The following SMARCA4 variants were observed in gnomAD, a reference collection of about 807,000 sequenced individuals.
SMARCA4 encodes the protein SWI/SNF related BAF chromatin remodeling complex subunit ATPase 4.
Under a neutral mutation model 193.9 loss-of-function variants are expected in SMARCA4, and 31 were observed. The observed-to-expected ratio is 0.16, with a 90% CI of 0.12 to 0.22. The LOEUF (loss-of-function observed/expected upper bound fraction) is 0.22, where lower values mean the gene tolerates loss of function less well. Among genes scored for constraint, SMARCA4 ranks in the 10% least tolerant of loss-of-function variants. SMARCA4 has a pLI of 1.00. For synonymous variants in SMARCA4, 942 were observed against 933.1 expected, an observed-to-expected ratio of 1.01 and a Z score of -0.17; for missense variants, 1,148 against 2,296.0, an observed-to-expected ratio of 0.50 and a Z score of 10.22.
At chr19:11,036,261 C>T (rs1371621538) in intron 29 of SMARCA4, among the ~76,000 whole-genome samples, 2 of 152,194 alleles carry the variant, frequency 1.3e-5, no homozygotes, top group Non-Finnish European at 2.9e-5. Context: ...AGCTGTTTGG[C>T]TGCTGTATGA....
At chr19:11,014,277 A>G (rs917987012) in intron 16 of SMARCA4, among the ~76,000 whole-genome samples, 1 of 152,114 alleles carries the variant, frequency 6.6e-6, no homozygotes, top group Non-Finnish European at 1.5e-5. Context: ...GCCAGGCCCC[A>G]TGGGTCACAC....
At chr19:11,032,527 A>ATGGTGGTGCATGCCTGTAGCCCCAGCTAC (rs2074994709) in intron 25 of SMARCA4, 5 of 152,366 alleles carry the variant, frequency 3.3e-5, no homozygotes, top group Admixed American at 2.0e-4. Context: ...TTAGCCAGGC[A>ATGGTGGTGCATGCCTGTAGCCCCAGCTAC]TGGTGGTGCA....
chr19:10,985,559 C>T lies in SMARCA4; in HGVS notation c.355+154C>T, dbSNP rs1448703477. ...CGCCACAGAGAGCTGTCTGGCATGG[C>T]GTGGCTGGTGCTCTGTTCTGGCCAC... is the stretch of plus-strand genomic sequence containing the variant. On this transcript the variant is annotated intron_variant, in intron 3 of 34. Transcript: ENST00000344626. The surrounding 1 kb of genome is among the most constrained non-coding windows in gnomAD (Gnocchi z 4.5). 9.7e-6 allele frequency: 4 copies of T among 413,934 alleles called. No homozygotes were observed. Among genetic ancestry groups the T allele is most frequent in the Non-Finnish European group, 1.3e-5 (4 of 307,672 alleles). The allele number at this position is 413,934 out of a possible 1,614,324, so 25.6% of individuals were successfully genotyped here. A position where few individuals can be genotyped will look rare whatever the true frequency, so the allele number is the denominator to read the frequency against.
At chr19:10,964,848 T>C (rs1355024851) in intron 1 of SMARCA4, among the ~76,000 whole-genome samples, 2 of 152,074 alleles carry the variant, frequency 1.3e-5, no homozygotes, top group Admixed American at 1.3e-4. Flanking sequence ...CTCGAACTCC[T>C]GGCCTCCTGT....
In SMARCA4 at chr19:10,991,193, T is replaced by G; in HGVS notation, c.1289T>G (p.Leu430Arg). Residue 430 changes from leucine to arginine, a missense_variant, in exon 8 of 35, where the codon CTG becomes CGG. Leu to Arg is a moderately radical substitution (Grantham distance 102, BLOSUM62 -2). Coordinates refer to ENST00000344626, the MANE Select transcript of SMARCA4 (RefSeq NM_003072.5). ...GTGTGCATGCGGAGGGACACAGCGCTGGAGACAGCCCTCAATGCTAAGGCC... is the reference window on the plus strand; with the variant it reads ...GTGTGCATGCGGAGGGACACAGCGCGGGAGACAGCCCTCAATGCTAAGGCC... ...VVVCMRRDTA[L>R]ETALNAKAYK... 1 of 1,613,932 alleles carries G rather than the reference T, an allele frequency of 6.2e-7. No individual in the cohort carries two copies. The highest frequency in any genetic ancestry group is 8.5e-7 in the Non-Finnish European group (1 of 1,180,032).
At chr19:10,996,577 A>T (rs2087073418) in intron 11 of SMARCA4, 33 bp downstream of exon 11, 1 of 1,602,868 alleles carries the variant, frequency 6.2e-7, no homozygotes, top group Non-Finnish European at 8.5e-7. Context: ...GGAAGTATCA[A>T]GCTAGCCCTA....
chr19:11,051,159 C>G (rs1161267228), intron 30 of SMARCA4, among the ~76,000 whole-genome samples: 2 of 152,248 alleles, frequency 1.3e-5, no homozygotes, highest in African/African-American at 4.8e-5. Context: ...AAGAAGCTCC[C>G]CCTCCTCTGT....
rs1599971262 is a variant in SMARCA4 at position 10,987,867 on chromosome 19, C to A, written c.1061C>A (p.Pro354His). The A allele has an allele frequency of 6.2e-7, 1 of 1,612,962 alleles. No homozygotes were observed. The change falls in exon 6 of 35, where the codon CCC becomes CAC. Residue 354 changes from proline to histidine, a missense_variant. Transcript: ENST00000344626. The surrounding 1 kb of genome is among the most constrained non-coding windows in gnomAD (Gnocchi z 5.3). ...PLHQKQSRIT[P>H]IQKPRGLDPV... ...CACCAGAAGCAGAGCCGCATCACCC[C>A]CATCCAGAAGCCGCGGGGCCTCGAC...
chr19:10,976,929 C>T (rs1327698843), intron 1 of SMARCA4, among the ~76,000 whole-genome samples: 4 of 150,422 alleles, frequency 2.7e-5, no homozygotes, highest in African/African-American at 2.5e-5. Flanking sequence ...CGGCAGTGTG[C>T]GCCTGTAGTC....
At chr19:10,982,514 T>A (rs1400458015) in intron 1 of SMARCA4, among the ~76,000 whole-genome samples, 1 of 151,904 alleles carries the variant, frequency 6.6e-6, no homozygotes, top group Admixed American at 6.5e-5. Context: ...TTTTTTTTTT[T>A]TTTGAGACGG....
intron 1 of SMARCA4, among the ~76,000 whole-genome samples, 193 bp from the exon 2 acceptor site, chr19:10,983,928 C>G (rs1056721827): frequency 6.6e-6 from 1 of 152,126 alleles, no homozygotes; most frequent in African/African-American, 2.4e-5. Context: ...GGTAGACTGA[C>G]TGATCTTGTG....
At chr19:10,964,883 A>G (rs2145418104) in intron 1 of SMARCA4, among the ~76,000 whole-genome samples, 1 of 152,124 alleles carries the variant, frequency 6.6e-6, no homozygotes, top group Admixed American at 6.5e-5. Context: ...GGCCTCCCAA[A>G]GTGTTGGGAT....
chr19:11,003,691 A>G (rs531827524), intron 13 of SMARCA4, among the ~76,000 whole-genome samples: 2 of 151,758 alleles, frequency 1.3e-5, no homozygotes, highest in East Asian at 3.9e-4. Flanking sequence ...TTATCTGGGA[A>G]TGGTCTGCCT....
At chr19:11,020,778 G>C (rs2089794627) in intron 18 of SMARCA4, 1 of 152,232 alleles carries the variant, frequency 6.6e-6, no homozygotes, top group African/African-American at 2.4e-5. Flanking sequence ...TCAGTGCATG[G>C]CTGGAGTGAC....
At chr19:10,998,959 G>C (rs2087353630) in intron 11 of SMARCA4, among the ~76,000 whole-genome samples, 1 of 151,576 alleles carries the variant, frequency 6.6e-6, no homozygotes, top group Admixed American at 6.6e-5. Context: ...GGAGTGTGTG[G>C]TGGTGCAATC....
At chr19:10,995,272 G>A (rs1042629590) in intron 9 of SMARCA4, 24 of 605,318 alleles carry the variant, frequency 4.0e-5, no homozygotes, top group Admixed American at 2.1e-4. Context: ...CCCTTCCCTC[G>A]TTCTGTGAGA....
rs753447676 is a variant in SMARCA4 at position 11,021,742 on chromosome 19, G to A, written c.2634G>A (p.Met878Ile). 1 of 1,612,922 alleles carries A rather than the reference G, an allele frequency of 6.2e-7. No homozygotes were observed. ...GCCCGCAGATCCGTTGGAAGTACAT[G>A]ATTGTGGACGAAGGTCACCGCATGA... is the stretch of plus-strand genomic sequence containing the variant. ...HILAKIRWKY[M>I]IVDEGHRMKN... The change falls in exon 19 of 35, where the codon ATG becomes ATA. Residue 878 changes from methionine to isoleucine, a missense_variant. Coordinates refer to ENST00000344626, the MANE Select transcript of SMARCA4 (RefSeq NM_003072.5).
chr19:11,019,513 C>G lies in SMARCA4; in HGVS notation c.2506-78C>G. On this transcript the variant is annotated intron_variant, in intron 17 of 34. Coordinates refer to ENST00000344626, the MANE Select transcript of SMARCA4 (RefSeq NM_003072.5). This position sits in a 1 kb window ranked among gnomAD's most constrained non-coding sequence, Gnocchi z 6.1. The stretch of plus-strand genomic sequence containing the variant: ...CTCCCGCCGTGTCACTGGGCAGTTG[C>G]AGGGGGTGCCTGTGCCCCTCTTGCC... 1 of 854,452 alleles carries G rather than the reference C, an allele frequency of 1.2e-6. No individual in the cohort carries two copies. Among genetic ancestry groups the G allele is most frequent in the South Asian group, 1.4e-5 (1 of 70,852 alleles). The allele number at this position is 854,452 out of a possible 1,614,324, so 52.9% of individuals were successfully genotyped here.
intron 1 of SMARCA4, among the ~76,000 whole-genome samples, chr19:10,975,135 G>A (rs2085027693): frequency 7.0e-6 from 1 of 142,392 alleles, no homozygotes; most frequent in Admixed American, 7.5e-5. Context: ...TCGTGCCTCA[G>A]CCTCCTGAGT....
Sources: gnomAD v4.1 joint callset for allele counts (sites outside exome capture counted in the v4.1 genomes callset) on GRCh38, gnomAD v4.1.1 for gene constraint, Gnocchi (gnomAD v3.1) non-coding constraint, MANE v1.5 for transcripts, NCBI Gene and HGNC (gene_info 2026-07-23, HGNC 2026-07-21) for gene names.